The following NDST3 variants were observed in gnomAD, a reference collection of about 807,000 sequenced individuals.
NDST3 encodes the protein N-deacetylase and N-sulfotransferase 3, also known as bifunctional heparan sulfate N-deacetylase/N-sulfotransferase 3.
Under a neutral mutation model 96.1 loss-of-function variants are expected in NDST3, and 58 were observed. That is an observed-to-expected ratio of 0.60 (90% CI 0.49 to 0.75). NDST3 has a LOEUF of 0.75. Among genes scored for constraint, NDST3 ranks in the 30% least tolerant of loss-of-function variants. The probability of loss-of-function intolerance (pLI) is 0.00; values close to 1 mark genes in which losing one functional copy is unlikely to be tolerated. For missense variants in NDST3, 788 were observed against 1,034.2 expected (o/e 0.76, Z 3.27); for synonymous variants, 333 against 359.7 (o/e 0.93, Z 0.84).
intron 2 of NDST3, among the ~76,000 whole-genome samples, chr4:118,094,445 C>A (rs1431490187): frequency 6.6e-6 from 1 of 151,856 alleles, no homozygotes; most frequent in African/African-American, 2.4e-5. Context: ...CTGAGCCCTT[C>A]TTTTTCCTCA....
upstream of NDST3, among the ~76,000 whole-genome samples, chr4:118,033,336 G>A (rs1204746944): frequency 6.6e-6 from 1 of 152,078 alleles, no homozygotes; most frequent in Non-Finnish European, 1.5e-5. Flanking sequence ...TTCCAGCGTC[G>A]CCTCGGGGAC....
At chr4:118,091,593 C>G (rs907856894) in intron 2 of NDST3, among the ~76,000 whole-genome samples, 27 of 151,538 alleles carry the variant, frequency 1.8e-4, no homozygotes, top group African/African-American at 6.1e-4. Flanking sequence ...TACTCTGACC[C>G]CAAGCAGAGG....
Position 118,240,253 on chromosome 4 carries a change from GA to G in NDST3, c.2119-268del, listed in dbSNP as rs987073153. 1.1e-3 allele frequency among the ~76,000 whole-genome samples: 170 copies of G among 151,686 alleles called. 1 individual carries two copies. Among genetic ancestry groups the G allele is most frequent in the African/African-American group, 3.7e-3 (154 of 41,152 alleles). On this transcript the variant is annotated intron_variant, in intron 10 of 13. Coordinates refer to ENST00000296499, the MANE Select transcript of NDST3 (RefSeq NM_004784.3). ...TTCACAATAAAATACATACACTAAG[GA>G]AACAACTCAGTAATGCTGGTGAAGG...
At chr4:118,145,088 T>C (rs4834667) in intron 6 of NDST3, among the ~76,000 whole-genome samples, 78,069 of 152,066 alleles carry the variant, frequency 0.51, 24,099 homozygotes, top group East Asian at 0.74. Flanking sequence ...TAAGTCTGGT[T>C]TGAACATCAG....
chr4:118,104,930 T>G, intron 2 of NDST3, 88 bp from the exon 3 acceptor site: 1 of 1,039,462 alleles, frequency 9.6e-7, no homozygotes, highest in Non-Finnish European at 1.5e-6. Context: ...GAACTGGTTT[T>G]ATCCTCTGAA....
intron 6 of NDST3, 98 bp from the exon 7 acceptor site, chr4:118,224,393 A>G: frequency 3.7e-6 from 4 of 1,085,906 alleles, no homozygotes; most frequent in Non-Finnish European, 3.9e-6. Context: ...AACCCTGTGC[A>G]GACTACTTAA....
intron 10 of NDST3, among the ~76,000 whole-genome samples, chr4:118,239,765 C>T (rs1740895270): frequency 6.6e-6 from 1 of 152,084 alleles, no homozygotes. Context: ...ATCTCAATTG[C>T]AGAAAATTTG....
chr4:118,111,566 T>C (rs1462489568), intron 3 of NDST3, among the ~76,000 whole-genome samples: 1 of 150,380 alleles, frequency 6.6e-6, no homozygotes, highest in African/African-American at 2.5e-5. Context: ...AGATGGAGTC[T>C]CGCTCTGTCA....
intron 6 of NDST3, among the ~76,000 whole-genome samples, chr4:118,159,542 A>G (rs1734951998): frequency 6.6e-6 from 1 of 152,178 alleles, no homozygotes; most frequent in Non-Finnish European, 1.5e-5. Context: ...GCGCATTAAG[A>G]AAAAGGAAAA....
intron 2 of NDST3, among the ~76,000 whole-genome samples, chr4:118,103,262 T>C (rs954752365): frequency 1.3e-5 from 2 of 152,078 alleles, no homozygotes; most frequent in Non-Finnish European, 2.9e-5. Context: ...TTCGAATCTA[T>C]ATTTTAACCA....
intron 8 of NDST3, among the ~76,000 whole-genome samples, chr4:118,228,984 T>G (rs1304097706): frequency 6.6e-6 from 1 of 152,252 alleles, no homozygotes; most frequent in African/African-American, 2.4e-5. Flanking sequence ...AATAGCTTCA[T>G]TTTTAACTGT....
Position 118,054,836 on chromosome 4 carries a change from T to G in NDST3, c.926T>G (p.Ile309Ser). 1.9e-6 allele frequency: 3 copies of G among 1,612,916 alleles called. No homozygotes were observed. The highest frequency in any genetic ancestry group is 2.5e-6 in the Non-Finnish European group (3 of 1,179,258). Residue 309 changes from isoleucine to serine, a missense_variant, in exon 2 of 14, where the codon ATT (isoleucine) becomes AGT (serine). This residue lies in a region of NDST3 where 490 missense variants were observed against 708.8 expected (regional missense o/e 0.69). Coordinates refer to ENST00000296499, the MANE Select transcript of NDST3 (RefSeq NM_004784.3). ...LSLDRYILVD[I>S]DDIFVGKEGT... ...TTGGACAGGTACATTCTTGTGGATATTGATGATATATTTGTGGGAAAAGAG... is the reference window on the plus strand; with the variant it reads ...TTGGACAGGTACATTCTTGTGGATAGTGATGATATATTTGTGGGAAAAGAG...
intron 2 of NDST3, among the ~76,000 whole-genome samples, chr4:118,098,265 T>C (rs1044813845): frequency 1.3e-5 from 2 of 152,030 alleles, no homozygotes; most frequent in South Asian, 2.1e-4. Flanking sequence ...ATTAAAATTA[T>C]GTTTATAGTA....
chr4:118,123,519 GC>G (rs1731781444), intron 4 of NDST3, among the ~76,000 whole-genome samples: 1 of 151,998 alleles, frequency 6.6e-6, no homozygotes, highest in Admixed American at 6.6e-5. Flanking sequence ...CAGTTATTTT[GC>G]TACAGCATAA....
At chr4:118,148,894 C>A (rs1206019623) in intron 6 of NDST3, among the ~76,000 whole-genome samples, 1 of 151,996 alleles carries the variant, frequency 6.6e-6, no homozygotes, top group Non-Finnish European at 1.5e-5. Context: ...CCTGGTCTAA[C>A]GTTTAAGTCT....
intron 4 of NDST3, among the ~76,000 whole-genome samples, chr4:118,129,257 G>T (rs1034021235): frequency 6.6e-6 from 1 of 151,472 alleles, no homozygotes; most frequent in African/African-American, 2.4e-5. Flanking sequence ...TGCTTTTCTA[G>T]TTCTTTAAGA....
Position 118,073,306 on chromosome 4 carries a change from C to A in NDST3, c.981+18415C>A, listed in dbSNP as rs189054342. Among the ~76,000 whole-genome samples, 5 of 152,116 alleles carry A rather than the reference C, an allele frequency of 3.3e-5. No homozygotes were observed. The East Asian group carries it at 7.8e-4, about 24-fold the overall frequency. On this transcript the variant is annotated intron_variant, in intron 2 of 13. Transcript: ENST00000296499. The stretch of plus-strand genomic sequence containing the variant: ...GGTTTCAGTAGGAATGGTACCAGTT[C>A]TTCTTTCTATGTCTGGTAGAATTCA...
chr4:118,117,760 TG>T (rs1295021066), intron 4 of NDST3, among the ~76,000 whole-genome samples: 1 of 152,140 alleles, frequency 6.6e-6, no homozygotes, highest in Non-Finnish European at 1.5e-5. Flanking sequence ...TAAATTGCAG[TG>T]TTAGGTCTTC....
intron 1 of NDST3, among the ~76,000 whole-genome samples, chr4:118,047,473 AG>A (rs887116651): frequency 6.6e-6 from 1 of 152,364 alleles, no homozygotes; most frequent in Admixed American, 6.5e-5. Flanking sequence ...GAGATTCAGA[AG>A]AAAATTGAAA....
Sources: allele counts gnomAD v4.1 joint callset (sites outside exome capture counted in the v4.1 genomes callset), GRCh38; gene constraint gnomAD v4.1.1; regional missense constraint gnomAD v4.1.1; transcripts MANE v1.5; gene names NCBI Gene and HGNC (gene_info 2026-07-23, HGNC 2026-07-21).